The following CHODL variants were observed in gnomAD, a reference collection of about 807,000 sequenced individuals.
The protein encoded by CHODL is chondrolectin.
In CHODL, 29 loss-of-function variants were observed where a neutral mutation model predicts 34.5. The ratio of observed to expected loss-of-function variants is 0.84; its 90% CI spans 0.63 to 1.15. The LOEUF is 1.15. CHODL is among the 50% of genes most tolerant of loss of function. CHODL has a pLI of 0.00. For missense variants in CHODL, 332 were observed against 332.5 expected, an observed-to-expected ratio of 1.00 and a Z score of 0.01; for synonymous variants, 125 against 116.1, an observed-to-expected ratio of 1.08 and a Z score of -0.49.
chr21:18,243,470 T>C (rs569890087), upstream of CHODL, among the ~76,000 whole-genome samples: 138 of 152,292 alleles, frequency 9.1e-4, 1 homozygote, highest in Middle Eastern at 6.8e-3. Context: ...GATTCTGCAA[T>C]GAATTAGTGT....
intron 2 of CHODL, among the ~76,000 whole-genome samples, chr21:18,203,471 T>C (rs2073677742): frequency 1.3e-5 from 2 of 152,170 alleles, no homozygotes; most frequent in African/African-American, 4.8e-5. Context: ...CAAAACATTA[T>C]TAATTTATAA....
At chr21:17,942,478 C>G (rs188457207) in intron 1 of CHODL, among the ~76,000 whole-genome samples, 193 of 152,310 alleles carry the variant, frequency 1.3e-3, no homozygotes, top group African/African-American at 4.5e-3. Flanking sequence ...TGAGGCCTCC[C>G]TGGCCACATG....
intron 2 of CHODL, among the ~76,000 whole-genome samples, chr21:18,180,592 C>A (rs1290865536): frequency 1.3e-5 from 2 of 152,162 alleles, no homozygotes; most frequent in African/African-American, 2.4e-5. Context: ...TTTGCCTACA[C>A]AATATTATCT....
intron 1 of CHODL, chr21:18,246,024 G>T (rs564653345): frequency 8.3e-7 from 1 of 1,200,666 alleles, no homozygotes; most frequent in Non-Finnish European, 1.2e-6. Context: ...ATCAAAATTG[G>T]CAAGCTTCCC....
intron 1 of CHODL, among the ~76,000 whole-genome samples, chr21:17,918,191 A>T (rs904909299): frequency 5.9e-5 from 9 of 152,044 alleles, no homozygotes; most frequent in African/African-American, 2.2e-4. Context: ...TGAGGGGTTG[A>T]AATATTTTAT....
chr21:18,147,398 C>G (rs1040390363), intron 2 of CHODL, among the ~76,000 whole-genome samples: 7 of 152,192 alleles, frequency 4.6e-5, no homozygotes, highest in Admixed American at 2.0e-4. Context: ...TGGTTCTTCC[C>G]TATTCTAGTT....
intron 1 of CHODL, among the ~76,000 whole-genome samples, chr21:18,021,967 G>T (rs189068577): frequency 2.0e-5 from 3 of 152,202 alleles, no homozygotes; most frequent in Admixed American, 6.5e-5. Flanking sequence ...GAGGCCTTTG[G>T]GAGGCAATTA....
chr21:18,062,820 A>C (rs911603140), intron 2 of CHODL, among the ~76,000 whole-genome samples: 4 of 152,058 alleles, frequency 2.6e-5, no homozygotes, highest in Admixed American at 2.0e-4. Flanking sequence ...TGGCCCTGGA[A>C]TATTAATTCT....
At chr21:18,128,091 G>C (rs2072598089) in intron 2 of CHODL, among the ~76,000 whole-genome samples, 1 of 151,564 alleles carries the variant, frequency 6.6e-6, no homozygotes. Context: ...ACGAGGTCAG[G>C]ATATCGAGAC....
intron 2 of CHODL, among the ~76,000 whole-genome samples, chr21:18,190,272 A>AACAAG (rs1250098471): frequency 6.6e-6 from 1 of 152,170 alleles, no homozygotes; most frequent in Non-Finnish European, 1.5e-5. Flanking sequence ...TTGCTGCACC[A>AACAAG]GTGCAACAAG....
intron 1 of CHODL, among the ~76,000 whole-genome samples, chr21:17,926,282 A>G (rs1279169860): frequency 6.6e-6 from 1 of 152,196 alleles, no homozygotes; most frequent in Non-Finnish European, 1.5e-5. Flanking sequence ...AGGTTAGACA[A>G]CAGAATTATA....
intron 1 of CHODL, among the ~76,000 whole-genome samples, chr21:17,973,608 G>C (rs1469216459): frequency 6.6e-6 from 1 of 150,512 alleles, no homozygotes; most frequent in Non-Finnish European, 1.5e-5. Flanking sequence ...TTTTAGTAGA[G>C]ACGGAGTTTC....
rs2072953075 is a variant in CHODL, at chr21:18,150,677, C to CT, written c.-44-105831dup. 2.0e-5 allele frequency among the ~76,000 whole-genome samples: 3 copies of CT among 152,314 alleles called. No homozygotes were observed. The South Asian group carries it at 6.2e-4, about 32-fold the overall frequency. ...AATTACCTCCTATGATACGCATACA[C>CT]TGTTCCTGGCTCATAACTGCCACAC... On this transcript the variant is annotated intron_variant, in intron 2 of 6. Transcript: ENST00000400127.
In CHODL at chr21:18,256,570, A is replaced by T; in HGVS notation, c.141A>T (p.Glu47Asp). 2 of 1,613,830 alleles carry T rather than the reference A, an allele frequency of 1.2e-6. No individual in the cohort carries two copies. The highest frequency in any genetic ancestry group is 1.7e-6 in the Non-Finnish European group (2 of 1,179,956). The stretch of plus-strand genomic sequence containing the variant: ...GCTACAAAATGGCCTACTTCCATGA[A>T]CTGTCCAGCCGAGTGAGCTTTCAGG... ...HPCYKMAYFH[E>D]LSSRVSFQEA... Residue 47 changes from glutamate to aspartate, a missense_variant, in exon 2 of 6, where the codon GAA (glutamate) becomes GAT (aspartate). Physicochemically the swap from Glu to Asp is conservative, Grantham distance 45 (BLOSUM62 2). Coordinates refer to ENST00000299295, the MANE Select transcript of CHODL (RefSeq NM_024944.3).
chr21:18,228,673 T>C (rs914912867), intron 2 of CHODL, among the ~76,000 whole-genome samples: 4 of 152,170 alleles, frequency 2.6e-5, no homozygotes, highest in Non-Finnish European at 4.4e-5. Context: ...AACTCTATTA[T>C]CTGCCCTGAC....
intron 2 of CHODL, among the ~76,000 whole-genome samples, chr21:18,091,532 A>G (rs2065073427): frequency 6.6e-6 from 1 of 152,206 alleles, no homozygotes; most frequent in African/African-American, 2.4e-5. Flanking sequence ...GTGCAGCCAC[A>G]GTAGGATAGG....
At chr21:18,243,569 G>C (rs1162726995), upstream of CHODL, among the ~76,000 whole-genome samples, 3 of 150,870 alleles carry the variant, frequency 2.0e-5, no homozygotes, top group Middle Eastern at 3.4e-3. Flanking sequence ...TTTGAGACAG[G>C]ATTTTGCATG....
intron 2 of CHODL, among the ~76,000 whole-genome samples, chr21:18,142,114 T>C (rs1430362000): frequency 6.6e-6 from 1 of 152,170 alleles, no homozygotes; most frequent in Non-Finnish European, 1.5e-5. Context: ...ATCATATTCT[T>C]TGACCTAGCT....
In CHODL at chr21:18,256,991, T is replaced by C; in HGVS notation, c.411T>C (p.Pro137=). The C allele has an allele frequency of 6.2e-7, 1 of 1,613,550 alleles. No homozygotes were observed. The highest frequency in any genetic ancestry group is 8.5e-7 in the Non-Finnish European group (1 of 1,179,772). The change falls in exon 3 of 6, where the codon CCT becomes CCC. Residue 137 remains proline, a synonymous_variant. Transcript: ENST00000299295. ...GCAGAAACTGGTACACAGATGAACCTTCCTGCGGAAGTGAAAAGTGTGTTG... is the reference window on the plus strand; with the variant it reads ...GCAGAAACTGGTACACAGATGAACCCTCCTGCGGAAGTGAAAAGTGTGTTG... The part of the protein sequence containing the change: ...SQYRNWYTDE[P]SCGSEKCVVM...
Sources: gnomAD v4.1 joint callset for allele counts (sites outside exome capture counted in the v4.1 genomes callset) on GRCh38, gnomAD v4.1.1 for gene constraint, MANE v1.5 for transcripts, NCBI Gene and HGNC (gene_info 2026-07-23, HGNC 2026-07-21) for gene names.